The following DQX1 variants were observed in gnomAD, a reference collection of about 807,000 sequenced individuals.
DQX1 encodes the protein DEAQ-box RNA dependent ATPase 1.
A neutral mutation model predicts 81.3 loss-of-function variants in DQX1; 66 were observed. The ratio of observed to expected loss-of-function variants is 0.81; its 90% CI spans 0.67 to 1.00. The LOEUF is 1.00. Among genes scored for constraint, DQX1 ranks in the 50% least tolerant of loss-of-function variants. The pLI is 0.00. For synonymous variants in DQX1, 290 were observed against 350.0 expected (o/e 0.83, Z 1.91); for missense variants, 798 against 867.9 (o/e 0.92, Z 1.01).
At chr2:74,522,437 G>T in intron 8 of DQX1, 143 bp downstream of exon 8, 1 of 949,990 alleles carries the variant, frequency 1.1e-6, no homozygotes, top group Non-Finnish European at 1.6e-6. Flanking sequence ...AGAGGGAGAT[G>T]GGTGACTAAG....
rs1394765082 is a variant in DQX1, at chr2:74,525,922, T to C, written c.-19-174A>G. Among the ~76,000 whole-genome samples, 1 of 152,222 alleles carries C rather than the reference T, an allele frequency of 6.6e-6. No individual in the cohort carries two copies. The highest frequency in any genetic ancestry group is 2.4e-5 in the African/African-American group (1 of 41,454). ...ATTTTGATAAAGGGCTACTGAGAGT[T>C]AGTCGACAGTCCCTATAGTCAGGTA... On this transcript the variant is annotated intron_variant, in intron 1 of 11. Coordinates refer to ENST00000404568, the MANE Select transcript of DQX1 (RefSeq NM_133637.3). This position sits in a 1 kb window ranked among gnomAD's most constrained non-coding sequence, Gnocchi z 4.1.
rs1159862638 is a variant in DQX1 at position 74,523,327 on chromosome 2, C to G, written c.1027G>C (p.Gly343Arg). The change falls in exon 5 of 12, where the codon GGA becomes CGA. Residue 343 changes from glycine (G) to arginine (R), a missense_variant. Gly to Arg is a moderately radical substitution (Grantham distance 125). Transcript: ENST00000404568. ...TCACTCACACTTCGGAGCTCCAGTCCTGAGTCGATGACATGTTGGATGGAA... is the reference window on the plus strand; with the variant it reads ...TCACTCACACTTCGGAGCTCCAGTCGTGAGTCGATGACATGTTGGATGGAA... ...LPSIQHVIDS[G>R]LELRSVYNPR... The G allele has an allele frequency of 2.5e-6, 4 of 1,614,170 alleles. No homozygotes were observed. Among genetic ancestry groups the G allele is most frequent in the Non-Finnish European group, 3.4e-6 (4 of 1,180,040 alleles).
intron 3 of DQX1, 71 bp from the exon 4 acceptor site, chr2:74,524,378 C>A: frequency 6.5e-7 from 1 of 1,533,856 alleles, no homozygotes; most frequent in Non-Finnish European, 8.7e-7. Context: ...AGGGAATCTT[C>A]TCCCCAAGGG....
rs561388327 is a variant in DQX1 at position 74,522,738 on chromosome 2, A to G, written c.1337T>C (p.Leu446Ser). Residue 446 changes from leucine to serine, a missense_variant, in exon 8 of 12, where the codon TTA (leucine) becomes TCA (serine). Physicochemically the swap from Leu to Ser is moderately radical, Grantham distance 145 (BLOSUM62 -2). Transcript: ENST00000404568. ...PEALMQALED[L>S]DYLAALDDDG... is the part of the protein sequence containing the mutation. The stretch of plus-strand genomic sequence containing the variant: ...ATCATCCAGGGCTGCCAGATAGTCT[A>G]AATCTTCCAGGGCTTGCATCAGTGC... The G allele has an allele frequency of 1.9e-5, 31 of 1,614,212 alleles. No individual in the cohort carries two copies. The South Asian group carries it at 2.4e-4, about 13-fold the overall frequency.
chr2:74,524,984 G>A (rs750779782), intron 3 of DQX1, 25 bp downstream of exon 3: 15 of 1,593,582 alleles, frequency 9.4e-6, no homozygotes, highest in African/African-American at 4.0e-5. Context: ...AATTATATTC[G>A]GGTAAGGCCT....
At position 74,522,657 on chromosome 2, in the gene DQX1, T is replaced by G; in HGVS notation, c.1418A>C (p.Glu473Ala). 2 of 1,614,218 alleles carry G rather than the reference T, an allele frequency of 1.2e-6. No individual in the cohort carries two copies. Among genetic ancestry groups the G allele is most frequent in the Non-Finnish European group, 1.7e-6 (2 of 1,180,034 alleles). ...TGAGGCCAGCAGGGCTTTGGCCAGC[T>G]CAGGGGCCAGAGGGAATTCTGATAG... The part of the protein sequence containing the change: ...VILSEFPLAP[E>A]LAKALLASCE... The change falls in exon 8 of 12, where the codon GAG becomes GCG. Residue 473 changes from glutamate to alanine, a missense_variant. Transcript: ENST00000404568.
chr2:74,525,995 C>T lies in DQX1; in HGVS notation c.-20+141G>A, dbSNP rs900467385. On this transcript the variant is annotated intron_variant, in intron 1 of 11. Coordinates refer to ENST00000404568, the MANE Select transcript of DQX1 (RefSeq NM_133637.3). This position sits in a 1 kb window ranked among gnomAD's most constrained non-coding sequence, Gnocchi z 4.1. The stretch of plus-strand genomic sequence containing the variant: ...TACCCCGTTGGCAGGTAGTAGAAAT[C>T]TTACTTAGGCAGGGGTCCTCAAGGG... 2.5e-5 allele frequency: 11 copies of T among 440,910 alleles called. No individual in the cohort carries two copies. The highest frequency in any genetic ancestry group is 2.2e-4 in the African/African-American group (11 of 50,642). The allele number at this position is 440,910 out of a possible 1,614,324, so 27.3% of individuals were successfully genotyped here.
At position 74,524,300 on chromosome 2, in the gene DQX1, A is replaced by G. The variant is rs370241486; in HGVS notation, c.439T>C (p.Trp147Arg). The G allele has an allele frequency of 4.2e-5, 68 of 1,610,610 alleles. No homozygotes were observed. The highest frequency in any genetic ancestry group is 5.6e-5 in the Non-Finnish European group (66 of 1,179,054). Residue 147 changes from tryptophan to arginine, a missense_variant, in exon 4 of 12, where the codon TGG becomes CGG. Coordinates refer to ENST00000404568, the MANE Select transcript of DQX1 (RefSeq NM_133637.3). The part of the protein sequence containing the change: ...TGPNTLLRFC[W>R]DRLLLQEVAS... ...ACCTCCTGCAGAAGCAGCCTGTCCC[A>G]GCAGAACCTGTTGACATTGGTAGTG...
At chr2:74,518,653 T>C (rs1271639674) in intron 11 of DQX1, 51 bp from the exon 12 acceptor site, 6 of 1,578,916 alleles carry the variant, frequency 3.8e-6, no homozygotes, top group Non-Finnish European at 5.2e-6. Context: ...TCTCTCTGTC[T>C]CTCTCTTTTT....
Position 74,525,349 on chromosome 2 carries a change from C to A in DQX1, c.237+144G>T. 8.1e-7 allele frequency: 1 copy of A among 1,240,348 alleles called. No individual in the cohort carries two copies. Among genetic ancestry groups the A allele is most frequent in the Admixed American group, 2.5e-5 (1 of 39,934 alleles). The allele number at this position is 1,240,348 out of a possible 1,614,324, so 76.8% of individuals were successfully genotyped here. On this transcript the variant is annotated intron_variant, in intron 2 of 11. Coordinates refer to ENST00000404568, the MANE Select transcript of DQX1 (RefSeq NM_133637.3). The surrounding 1 kb of genome is among the most constrained non-coding windows in gnomAD (Gnocchi z 4.1). ...GCCTCCAGGGCCAACCTAACCCATC[C>A]CATCTCTCTTCGTTCACCTTCCTCA...
intron 4 of DQX1, 113 bp downstream of exon 4, chr2:74,523,810 C>A: frequency 7.2e-7 from 1 of 1,397,276 alleles, no homozygotes. Context: ...CTCTACTGTT[C>A]CTAAGAGGCA....
rs1301441677 is a variant in DQX1 at position 74,518,618 on chromosome 2, A to C, written c.1998-16T>G. 1 of 1,612,168 alleles carries C rather than the reference A, an allele frequency of 6.2e-7. No individual in the cohort carries two copies. The highest frequency in any genetic ancestry group is 1.7e-5 in the Admixed American group (1 of 59,928). On this transcript the variant is annotated splice_polypyrimidine_tract_variant and intron_variant, in intron 11 of 11. Transcript: ENST00000404568. ...TTCCACCAGCCTAATAGAGAGAGTC[A>C]TAATTAGATGATCTGCATCTTCTCT...
Position 74,519,837 on chromosome 2 carries a change from T to C in DQX1, c.1615+78A>G, listed in dbSNP as rs1316188459. 3.7e-6 allele frequency: 6 copies of C among 1,602,488 alleles called. No individual in the cohort carries two copies. In the South Asian group the frequency reaches 4.4e-5, roughly 12 times the overall value. ...CCAAAGGGCCTCCTCTTTCTGAGCA[T>C]AGAGATCTGTCAGCTGGCTGCATAA... On this transcript the variant is annotated intron_variant, in intron 9 of 11. Coordinates refer to ENST00000404568, the MANE Select transcript of DQX1 (RefSeq NM_133637.3).
In DQX1 at chr2:74,525,210, A is replaced by G. The variant is rs748183806; in HGVS notation, c.238-8T>C. ...TGCACACCACTGAGGGATCTGGGAT[A>G]GAAGTAGGGAAGGAGAGCCAGTGAG... On this transcript the variant is annotated splice_region_variant and splice_polypyrimidine_tract_variant and intron_variant, in intron 2 of 11. Coordinates refer to ENST00000404568, the MANE Select transcript of DQX1 (RefSeq NM_133637.3). This position sits in a 1 kb window ranked among gnomAD's most constrained non-coding sequence, Gnocchi z 4.1. 2 of 1,532,262 alleles carry G rather than the reference A, an allele frequency of 1.3e-6. No homozygotes were observed. Among genetic ancestry groups the G allele is most frequent in the South Asian group, 1.2e-5 (1 of 80,994 alleles). 94.9% of individuals were successfully genotyped at this position (1,532,262 alleles called of 1,614,324 possible).
In DQX1 at chr2:74,522,847, G is replaced by A; in HGVS notation, c.1303+9C>T. ...CAGATGGCAGTGCTTGGGCAGGAGA[G>A]GTGCTCACCAGGCTGGTCCAGGAAG... On this transcript the variant is annotated intron_variant, in intron 7 of 11. Coordinates refer to ENST00000404568, the MANE Select transcript of DQX1 (RefSeq NM_133637.3). 2.5e-6 allele frequency: 4 copies of A among 1,612,922 alleles called. No individual in the cohort carries two copies. The highest frequency in any genetic ancestry group is 3.4e-6 in the Non-Finnish European group (4 of 1,178,972).
Position 74,525,889 on chromosome 2 carries a change from T to TGCTA in DQX1, c.-19-145_-19-142dup, listed in dbSNP as rs1675167925. On this transcript the variant is annotated intron_variant, in intron 1 of 11. Transcript: ENST00000404568. The surrounding 1 kb of genome is among the most constrained non-coding windows in gnomAD (Gnocchi z 4.1). Reference sequence around the variant, plus strand: ...CCCAGCATTTCCTGCCAGGAAACAGTGCTAGGTATTTTGATAAAGGGCTAC... The same window carrying TGCTA: ...CCCAGCATTTCCTGCCAGGAAACAGTGCTAGCTAGGTATTTTGATAAAGGGCTAC... The TGCTA allele has an allele frequency of 1.6e-6, 1 of 637,156 alleles. No homozygotes were observed. The highest frequency in any genetic ancestry group is 1.8e-5 in the African/African-American group (1 of 54,640). 39.5% of individuals were successfully genotyped at this position (637,156 alleles called of 1,614,324 possible).
At chr2:74,519,010 GC>G in intron 11 of DQX1, 29 bp downstream of exon 11, 1 of 1,515,214 alleles carries the variant, frequency 6.6e-7, no homozygotes, top group South Asian at 1.3e-5. Context: ...AGAGGAATAG[GC>G]AGTATAGGAG....
intron 4 of DQX1, 91 bp from the exon 5 acceptor site, chr2:74,523,628 T>C: frequency 1.6e-6 from 2 of 1,262,770 alleles, no homozygotes; most frequent in Non-Finnish European, 2.2e-6. Flanking sequence ...GTTATGGCCC[T>C]TCACTCTGAG....
intron 8 of DQX1, among the ~76,000 whole-genome samples, chr2:74,520,359 TG>T (rs1674992832): frequency 6.6e-6 from 1 of 152,206 alleles, no homozygotes; most frequent in Non-Finnish European, 1.5e-5. Context: ...ATGTGAGTGA[TG>T]TAAGAGAAAA....
Sources: allele counts gnomAD v4.1 joint callset (sites outside exome capture counted in the v4.1 genomes callset), GRCh38; gene constraint gnomAD v4.1.1; non-coding constraint Gnocchi (gnomAD v3.1); transcripts MANE v1.5; gene names NCBI Gene and HGNC (gene_info 2026-07-23, HGNC 2026-07-21).